The following ZNF423 variants were observed in gnomAD, a reference collection of about 807,000 sequenced individuals.
ZNF423 encodes the protein Ebf-associated zinc finger protein.
ZNF423 carries 12 observed loss-of-function variants against 95.8 expected under a neutral mutation model. The ratio of observed to expected loss-of-function variants is 0.13; its 90% confidence interval spans 0.08 to 0.20. The LOEUF (loss-of-function observed/expected upper bound fraction) is 0.20, where lower values mean the gene tolerates loss of function less well. Ranked by LOEUF, ZNF423 falls within the 10% of genes least tolerant of loss-of-function variation. The pLI, the probability that ZNF423 is intolerant of heterozygous loss-of-function variation, is 1.00. For missense variants in ZNF423, 1,316 were observed against 1,737.1 expected (o/e 0.76, Z 4.31); for synonymous variants, 749 against 711.9 (o/e 1.05, Z -0.83).
chr16:49,776,571 C>A (rs1368420535), intron 2 of ZNF423, among the ~76,000 whole-genome samples: 1 of 152,238 alleles, frequency 6.6e-6, no homozygotes. Context: ...CCAGCCCCGA[C>A]CCTGGGGACA....
At chr16:49,526,332 G>A (rs995416816) in intron 5 of ZNF423, among the ~76,000 whole-genome samples, 19 of 152,148 alleles carry the variant, frequency 1.2e-4, no homozygotes, top group Admixed American at 7.2e-4. Context: ...AGGCAAACTC[G>A]CCATCCTGCT....
At chr16:49,738,039 C>A (rs963000891) in intron 2 of ZNF423, among the ~76,000 whole-genome samples, 1 of 152,212 alleles carries the variant, frequency 6.6e-6, no homozygotes, top group Admixed American at 6.5e-5. Flanking sequence ...ACAGAGAGAC[C>A]TAGGACAGAG....
At chr16:49,553,807 G>A (rs1969728129) in intron 5 of ZNF423, among the ~76,000 whole-genome samples, 1 of 152,004 alleles carries the variant, frequency 6.6e-6, no homozygotes, top group African/African-American at 2.4e-5. Flanking sequence ...CCTGGCATAG[G>A]GCTCCCCTGT....
At chr16:49,533,552 T>C (rs1405666546) in intron 5 of ZNF423, among the ~76,000 whole-genome samples, 1 of 152,238 alleles carries the variant, frequency 6.6e-6, no homozygotes, top group East Asian at 1.9e-4. Context: ...GGATCTTAGC[T>C]AGGGGTCAGT....
chr16:49,668,536 T>C (rs2030649288), intron 3 of ZNF423, among the ~76,000 whole-genome samples: 1 of 152,202 alleles, frequency 6.6e-6, no homozygotes. Context: ...GCTGTCCTGG[T>C]CCTGTTTAGG....
At chr16:49,738,510 G>T (rs2033342369) in intron 2 of ZNF423, among the ~76,000 whole-genome samples, 1 of 152,144 alleles carries the variant, frequency 6.6e-6, no homozygotes. Context: ...ACCTCACAGT[G>T]GGGAGGCGGG....
chr16:49,637,977 C>G lies in ZNF423; in HGVS notation c.1199G>C (p.Arg400Pro), dbSNP rs574135774. The G allele has an allele frequency of 3.7e-6, 6 of 1,614,112 alleles. No individual in the cohort carries two copies. Among genetic ancestry groups the G allele is most frequent in the African/African-American group, 1.3e-5 (1 of 75,056 alleles). ...STPDSTLKPL[R>P]GQKKMRDDGQ... ...GTCATCCCGCATCTTCTTCTGCCCC[C>G]GCAGCGGCTTCAAGGTGGAGTCCGG... Residue 400 changes from arginine (R) to proline (P), a missense_variant, in exon 4 of 8, where the codon CGG (arginine) becomes CCG (proline). Coordinates refer to ENST00000563137, the MANE Select transcript of ZNF423 (RefSeq NM_001379286.1). The surrounding 1 kb of genome is among the most constrained non-coding windows in gnomAD (Gnocchi z 5.6).
chr16:49,532,855 C>T (rs746501124), intron 5 of ZNF423, among the ~76,000 whole-genome samples: 16 of 152,208 alleles, frequency 1.1e-4, no homozygotes, highest in Non-Finnish European at 2.4e-4. Context: ...CCACCAACGT[C>T]CCCCTTCCAC....
At chr16:49,606,172 A>G (rs1331285075) in intron 5 of ZNF423, among the ~76,000 whole-genome samples, 1 of 152,220 alleles carries the variant, frequency 6.6e-6, no homozygotes, top group East Asian at 1.9e-4. Context: ...TCACTTTCCT[A>G]TGGGAAAGTC....
intron 7 of ZNF423, among the ~76,000 whole-genome samples, chr16:49,507,233 T>C (rs1027113655): frequency 6.6e-6 from 1 of 152,192 alleles, no homozygotes; most frequent in African/African-American, 2.4e-5. Flanking sequence ...GGACACTTAA[T>C]AGGGTCATAA....
chr16:49,659,041 A>C lies in ZNF423; in HGVS notation c.302-20167T>G, dbSNP rs146901120. Among the ~76,000 whole-genome samples the C allele has an allele frequency of 2.8e-3, 431 of 152,206 alleles. 1 individual carries two copies. The highest frequency in any genetic ancestry group is 6.8e-3 in the Middle Eastern group (2 of 294). ...TTCTTAAAATCTATATTATTTATTT[A>C]CTCACTCATATTAGTCTTTGATGTT... On this transcript the variant is annotated intron_variant, in intron 3 of 7. Transcript: ENST00000563137.
chr16:49,824,318 G>A (rs1358011933), intron 1 of ZNF423, among the ~76,000 whole-genome samples: 1 of 152,082 alleles, frequency 6.6e-6, no homozygotes, highest in Non-Finnish European at 1.5e-5. Context: ...TCACAGGTAG[G>A]GACCCTGAGC....
intron 2 of ZNF423, among the ~76,000 whole-genome samples, chr16:49,769,580 C>G (rs1448615593): frequency 6.6e-6 from 1 of 152,054 alleles, no homozygotes; most frequent in African/African-American, 2.4e-5. Flanking sequence ...GTGCAAAGCC[C>G]TCCCTGGTTC....
At chr16:49,827,981 C>T (rs1159684749) in intron 1 of ZNF423, among the ~76,000 whole-genome samples, 1 of 152,150 alleles carries the variant, frequency 6.6e-6, no homozygotes, top group Non-Finnish European at 1.5e-5. Flanking sequence ...CTTAGTGACC[C>T]TAGTATGAAC....
chr16:49,736,302 G>A (rs950640670), intron 2 of ZNF423, among the ~76,000 whole-genome samples: 2 of 152,144 alleles, frequency 1.3e-5, no homozygotes, highest in Non-Finnish European at 2.9e-5. Flanking sequence ...AAATGGCTCA[G>A]CCTCACATAT....
chr16:49,528,341 T>A (rs956217566), intron 5 of ZNF423, among the ~76,000 whole-genome samples: 1 of 152,114 alleles, frequency 6.6e-6, no homozygotes, highest in Admixed American at 6.5e-5. Context: ...TTCATAAATA[T>A]GTGCACAGTC....
At chr16:49,663,977 G>T in intron 3 of ZNF423, 3 of 731,162 alleles carry the variant, frequency 4.1e-6, no homozygotes, top group Non-Finnish European at 5.0e-6. Context: ...TCCCCAACGC[G>T]CCGGGAGCCT....
rs530225922 is a variant in ZNF423 at position 49,503,670 on chromosome 16, T to G, written c.3850-12366A>C. Among the ~76,000 whole-genome samples, 7 of 152,336 alleles carry G rather than the reference T, an allele frequency of 4.6e-5. No individual in the cohort carries two copies. In the East Asian group the frequency reaches 1.4e-3, roughly 29 times the overall value. On this transcript the variant is annotated intron_variant, in intron 7 of 7. Transcript: ENST00000563137. Reference sequence around the variant, plus strand: ...CTTCAACTCTGCATGTCCTGCAACTTGCAGTGACCTGGTTGTTGACGCACC... The same window carrying G: ...CTTCAACTCTGCATGTCCTGCAACTGGCAGTGACCTGGTTGTTGACGCACC...
chr16:49,714,197 G>A (rs1182769263), intron 3 of ZNF423, among the ~76,000 whole-genome samples: 1 of 152,198 alleles, frequency 6.6e-6, no homozygotes, highest in Non-Finnish European at 1.5e-5. Flanking sequence ...GGAGCCAATT[G>A]TATTTATTCA....
Sources: allele counts gnomAD v4.1 joint callset (sites outside exome capture counted in the v4.1 genomes callset), GRCh38; gene constraint gnomAD v4.1.1; non-coding constraint Gnocchi (gnomAD v3.1); transcripts MANE v1.5; gene names NCBI Gene and HGNC (gene_info 2026-07-23, HGNC 2026-07-21).